AHNAK: variants seen among roughly 807,000 people sequenced by gnomAD.
AHNAK encodes AHNAK nucleoprotein, also known as neuroblast differentiation-associated protein AHNAK.
A neutral mutation model predicts 37.8 loss-of-function variants in AHNAK; 23 were observed. That is an observed-to-expected ratio of 0.61 (90% CI 0.44 to 0.86). The LOEUF (loss-of-function observed/expected upper bound fraction) is 0.86, where lower values mean the gene tolerates loss of function less well. AHNAK is among the 40% of genes least tolerant of loss of function. AHNAK has a pLI of 0.00. For synonymous variants in AHNAK, 2,481 were observed against 2,636.3 expected (o/e 0.94, Z 1.80); for missense variants, 7,411 against 7,319.4 (o/e 1.01, Z -0.46).
chr11:62,530,917 G>T lies in AHNAK; in HGVS notation c.3500C>A (p.Pro1167Gln), dbSNP rs1940719424. The T allele has an allele frequency of 1.2e-6, 2 of 1,613,560 alleles. No homozygotes were observed. The change falls in exon 5 of 5, where the codon CCA (proline) becomes CAA (glutamine). Residue 1167 changes from proline to glutamine, a missense_variant. Transcript: ENST00000378024. The stretch of plus-strand genomic sequence containing the variant: ...TTCTGGACCTTCGAGGCTCACATCT[G>T]GGGCTTCGATGTCCACCTTGGGTCC... The part of the protein sequence containing the change: ...VSGPKVDIEA[P>Q]DVSLEGPEGK...
At chr11:62,468,548 A>G (rs1590606793) in intron 5 of AHNAK, among the ~76,000 whole-genome samples, 2 of 152,220 alleles carry the variant, frequency 1.3e-5, no homozygotes, top group Admixed American at 1.3e-4. Flanking sequence ...GGAATTATTC[A>G]TGCTCAAGTT....
rs1259949306 is a variant in AHNAK, at chr11:62,521,490, G to A, written c.12927C>T (p.Gly4309=). 3 of 1,611,728 alleles carry A rather than the reference G, an allele frequency of 1.9e-6. No individual in the cohort carries two copies. Among genetic ancestry groups the A allele is most frequent in the African/African-American group, 1.3e-5 (1 of 74,084 alleles). ...TGGGCATCTTCAGGTGCCAGTCTGG[G>A]CCATGAACATCTACATCAGGGGCAT... ...DIDAPDVDVH[G]PDWHLKMPKV... The change falls in exon 5 of 5, where the codon GGC becomes GGT. Residue 4309 remains glycine (G), a synonymous_variant. Transcript: ENST00000378024.
chr11:62,523,766 T>C lies in AHNAK; in HGVS notation c.10651A>G (p.Asn3551Asp). ...CCTTTCACCTTGGGGCCTTTCAAGT[T>C]TAAGTCAATGTCAGGCATGGAGATC... is the stretch of plus-strand genomic sequence containing the variant. ...PKISMPDIDL[N>D]LKGPKVKGDV... Residue 3551 changes from asparagine (N) to aspartate (D), a missense_variant, in exon 5 of 5, where the codon AAC becomes GAC. Coordinates refer to ENST00000378024, the MANE Select transcript of AHNAK (RefSeq NM_001620.3). The C allele has an allele frequency of 6.2e-7, 1 of 1,613,986 alleles. No individual in the cohort carries two copies. Among genetic ancestry groups the C allele is most frequent in the South Asian group, 1.1e-5 (1 of 91,064 alleles).
At chr11:62,483,676 G>A (rs921331301) in intron 5 of AHNAK, among the ~76,000 whole-genome samples, 1 of 151,704 alleles carries the variant, frequency 6.6e-6, no homozygotes, top group Non-Finnish European at 1.5e-5. Flanking sequence ...GGCTAACACG[G>A]TGAAACCCTG....
chr11:62,447,965 G>A (rs1488270110), intron 5 of AHNAK, among the ~76,000 whole-genome samples: 1 of 152,148 alleles, frequency 6.6e-6, no homozygotes, highest in Non-Finnish European at 1.5e-5. Context: ...GATGCTGAGA[G>A]GGCCTGTGGA....
rs1409619498 is a variant in AHNAK, at chr11:62,530,213, C to G, written c.4204G>C (p.Val1402Leu). 1.9e-6 allele frequency: 3 copies of G among 1,613,034 alleles called. No individual in the cohort carries two copies. The South Asian group carries it at 3.3e-5, about 18-fold the overall frequency. The change falls in exon 5 of 5, where the codon GTG (valine) becomes CTG (leucine). Residue 1402 changes from valine (V) to leucine (L), a missense_variant. Physicochemically the swap from Val to Leu is conservative, Grantham distance 32. Coordinates refer to ENST00000378024, the MANE Select transcript of AHNAK (RefSeq NM_001620.3). ...TCAGCTTTGGGCAGCTTCACATCCA[C>G]TTCAGGGCCCTCTCCTTTGAAGCCG... ...MPGFKGEGPE[V>L]DVKLPKADVD...
At chr11:62,458,962 G>T (rs961905650) in intron 5 of AHNAK, among the ~76,000 whole-genome samples, 1 of 152,146 alleles carries the variant, frequency 6.6e-6, no homozygotes, top group East Asian at 1.9e-4. Context: ...GCCAGGCCCT[G>T]GTGTGGAACT....
intron 5 of AHNAK, among the ~76,000 whole-genome samples, chr11:62,488,968 C>T (rs183620444): frequency 2.8e-4 from 42 of 151,652 alleles, no homozygotes; most frequent in Admixed American, 2.1e-3. Context: ...CGGCCCAGCG[C>T]GGTGGCTCAC....
At chr11:62,515,450 G>A (rs2134186243), downstream of AHNAK, among the ~76,000 whole-genome samples, 1 of 152,354 alleles carries the variant, frequency 6.6e-6, no homozygotes, top group African/African-American at 2.4e-5. Flanking sequence ...CCAGGAGGAG[G>A]AGGTTGCAGT....
intron 4 of AHNAK, among the ~76,000 whole-genome samples, chr11:62,507,843 C>T (rs528009262): frequency 9.9e-5 from 15 of 152,272 alleles, no homozygotes; most frequent in African/African-American, 3.4e-4. Context: ...CCCAAGGTCA[C>T]GCAGCTAGGA....
At position 62,490,222 on chromosome 11, in the gene AHNAK, G is replaced by C. The variant is rs181511984; in HGVS notation, c.442+1510C>G. On this transcript the variant is annotated intron_variant, in intron 5 of 5. Coordinates refer to the AHNAK transcript ENST00000257247. ...CTTTTTTTTTTTTTTTTTTTTTTGA[G>C]ACAGAGTCTTGCTCTGTCACCCAGG... 8.5e-3 allele frequency among the ~76,000 whole-genome samples: 971 copies of C among 114,176 alleles called. 12 individuals carry two copies. Among genetic ancestry groups the C allele is most frequent in the African/African-American group, 0.031 (915 of 29,136 alleles). 74.9% of individuals were successfully genotyped at this position (114,176 alleles called of 152,430 possible).
rs1383603141 is a variant in AHNAK at position 62,516,565 on chromosome 11, T to C, written c.*179A>G. 5.5e-6 allele frequency: 8 copies of C among 1,455,764 alleles called. No homozygotes were observed. Among genetic ancestry groups the C allele is most frequent in the African/African-American group, 1.4e-5 (1 of 70,036 alleles). 90.2% of individuals were successfully genotyped at this position (1,455,764 alleles called of 1,614,324 possible). A position where few individuals can be genotyped will look rare whatever the true frequency, so the allele number is the denominator to read the frequency against. ...GAACTTGGAACTCTTTACCTATCTG[T>C]ATAGTTCCAGGAGCCTACAGGCGGT... On this transcript the variant is annotated 3_prime_UTR_variant, in exon 5 of 5. Coordinates refer to ENST00000378024, the MANE Select transcript of AHNAK (RefSeq NM_001620.3).
chr11:62,539,747 T>A (rs1941066292), intron 1 of AHNAK, among the ~76,000 whole-genome samples: 1 of 152,222 alleles, frequency 6.6e-6, no homozygotes, highest in Non-Finnish European at 1.5e-5. Context: ...GACCCGAAGC[T>A]GCAGGTTGGC....
In AHNAK at chr11:62,519,328, A is replaced by G. The variant is rs1565224618; in HGVS notation, c.15089T>C (p.Met5030Thr). The G allele has an allele frequency of 6.2e-7, 1 of 1,614,138 alleles. No homozygotes were observed. The highest frequency in any genetic ancestry group is 8.5e-7 in the Non-Finnish European group (1 of 1,180,008). ...KSKFKMPKIH[M>T]SGPKIKAKKQ... ...TTTGGCCTTAATCTTAGGACCACTC[A>G]TATGAATTTTAGGCATTTTAAACTT... Residue 5030 changes from methionine (M) to threonine (T), a missense_variant, in exon 5 of 5, where the codon ATG (methionine) becomes ACG (threonine). Physicochemically the swap from Met to Thr is moderately conservative, Grantham distance 81 (BLOSUM62 -1). Transcript: ENST00000378024.
At chr11:62,507,652 G>A (rs938337336) in intron 4 of AHNAK, among the ~76,000 whole-genome samples, 1 of 152,114 alleles carries the variant, frequency 6.6e-6, no homozygotes, top group South Asian at 2.1e-4. Context: ...TTAGCTGGGC[G>A]TGGTGGGCAC....
rs747691950 is a variant in AHNAK at position 62,529,354 on chromosome 11, T to C, written c.5063A>G (p.Asp1688Gly). 9.2e-5 allele frequency: 149 copies of C among 1,613,906 alleles called. 1 individual carries two copies. The highest frequency in any genetic ancestry group is 1.3e-5 in the African/African-American group (1 of 74,864). The change falls in exon 5 of 5, where the codon GAC (aspartate) becomes GGC (glycine). Residue 1688 changes from aspartate to glycine, a missense_variant. By Grantham distance (94) the Asp-to-Gly change is moderately conservative. Coordinates refer to ENST00000378024, the MANE Select transcript of AHNAK (RefSeq NM_001620.3). ...AATGTCCACTTTGGGCCCTTTAATG[T>C]CAACATCTGGCACTTTCATTTCACC... ...VEGEMKVPDV[D>G]IKGPKVDIDA...
intron 5 of AHNAK, among the ~76,000 whole-genome samples, chr11:62,489,121 A>G (rs990649243): frequency 6.6e-6 from 1 of 151,960 alleles, no homozygotes; most frequent in Admixed American, 6.6e-5. Flanking sequence ...CATGCCTGTA[A>G]TCCCAATTAC....
rs200959599 is a variant in AHNAK at position 62,526,018 on chromosome 11, G to T, written c.8399C>A (p.Pro2800Gln). 1.1e-5 allele frequency: 18 copies of T among 1,613,170 alleles called. 1 individual carries two copies. The East Asian group carries it at 2.0e-4, about 18-fold the overall frequency. The change falls in exon 5 of 5, where the codon CCG becomes CAG. Residue 2800 changes from proline (P) to glutamine (Q), a missense_variant. Transcript: ENST00000378024. ...LPKADIDVSG[P>Q]KVDVECPDVN... ...ATCGGGACATTCAACATCCACTTTC[G>T]GTCCTGAGACATCAATGTCAGCCTT... is the stretch of plus-strand genomic sequence containing the variant.
rs1361299685 is a variant in AHNAK, at chr11:62,516,719, A to G, written c.*25T>C. 1.3e-6 allele frequency: 2 copies of G among 1,572,474 alleles called. No individual in the cohort carries two copies. Among genetic ancestry groups the G allele is most frequent in the Non-Finnish European group, 1.7e-6 (2 of 1,164,184 alleles). On this transcript the variant is annotated 3_prime_UTR_variant, in exon 5 of 5. Transcript: ENST00000378024. ...GGCTGATGTTTTGTTATATATATAT[A>G]TATGTACACACATACAAAGGCCTGC...
Sources: allele counts gnomAD v4.1 joint callset (sites outside exome capture counted in the v4.1 genomes callset), GRCh38; gene constraint gnomAD v4.1.1; transcripts MANE v1.5; gene names NCBI Gene and HGNC (gene_info 2026-07-23, HGNC 2026-07-21).